The following TTLL11 variants were observed in gnomAD, a reference collection of about 807,000 sequenced individuals.
The protein encoded by TTLL11 is tubulin tyrosine ligase like 11, also known as tubulin polyglutamylase TTLL11.
Under a neutral mutation model 51.7 loss-of-function variants are expected in TTLL11, and 42 were observed. That is an observed-to-expected ratio of 0.81 (90% CI 0.64 to 1.05). The LOEUF (loss-of-function observed/expected upper bound fraction) is 1.05, where lower values mean the gene tolerates loss of function less well. Ranked by LOEUF, TTLL11 falls within the 50% of genes least tolerant of loss-of-function variation. The probability of loss-of-function intolerance (pLI) is 0.00; values close to 1 mark genes in which losing one functional copy is unlikely to be tolerated. For missense variants in TTLL11, 799 were observed against 940.4 expected, an observed-to-expected ratio of 0.85 and a Z score of 1.97; for synonymous variants, 381 against 383.5, an observed-to-expected ratio of 0.99 and a Z score of 0.08.
intron 6 of TTLL11, among the ~76,000 whole-genome samples, chr9:121,967,048 G>T (rs1564331448): frequency 6.6e-6 from 1 of 151,898 alleles, no homozygotes; most frequent in Non-Finnish European, 1.5e-5. Context: ...GAGGTACCTG[G>T]ATTTCCATTT....
At chr9:121,864,900 C>A (rs150794293) in intron 7 of TTLL11, among the ~76,000 whole-genome samples, 2 of 152,236 alleles carry the variant, frequency 1.3e-5, no homozygotes, top group East Asian at 3.9e-4. Context: ...TCCATAAAAT[C>A]CTATTTATAG....
rs778158498 is a variant in TTLL11, at chr9:121,989,297, G to T, written c.1167C>A (p.Ile389=). 6.2e-7 allele frequency: 1 copy of T among 1,614,198 alleles called. No homozygotes were observed. Among genetic ancestry groups the T allele is most frequent in the Non-Finnish European group, 8.5e-7 (1 of 1,180,004 alleles). ...GVDIKKVWSD[I]ISVVIKTVIA... is the part of the protein sequence containing the mutation. ...TGACCGTCTTAATCACCACGGAGAT[G>T]ATGTCAGACCAGACCTTCTTGATGT... The change falls in exon 4 of 9, where the codon ATC becomes ATA. Residue 389 remains isoleucine (I), a synonymous_variant. Transcript: ENST00000321582. This position sits in a 1 kb window ranked among gnomAD's most constrained non-coding sequence, Gnocchi z 4.2.
At chr9:122,052,857 C>T (rs1198282363) in intron 1 of TTLL11, among the ~76,000 whole-genome samples, 1 of 152,190 alleles carries the variant, frequency 6.6e-6, no homozygotes. Context: ...TATTAAGGGC[C>T]TGGGTTTCAT....
intron 8 of TTLL11, among the ~76,000 whole-genome samples, chr9:121,843,818 G>A (rs887175445): frequency 1.3e-5 from 2 of 152,004 alleles, no homozygotes; most frequent in African/African-American, 2.4e-5. Context: ...GACTACAGGC[G>A]TGTGACATCA....
At chr9:121,856,959 T>C (rs1276548642) in intron 8 of TTLL11, among the ~76,000 whole-genome samples, 2 of 152,206 alleles carry the variant, frequency 1.3e-5, no homozygotes, top group African/African-American at 2.4e-5. Flanking sequence ...CCTAAGAAGG[T>C]GGCTGTCTCC....
intron 3 of TTLL11, among the ~76,000 whole-genome samples, chr9:122,031,157 CT>C (rs1363486490): frequency 6.6e-6 from 1 of 152,194 alleles, no homozygotes; most frequent in Admixed American, 6.5e-5. Context: ...AATGGCAGTT[CT>C]GAGTTCCACT....
chr9:121,945,215 T>A (rs1841619962), intron 6 of TTLL11, among the ~76,000 whole-genome samples: 1 of 152,086 alleles, frequency 6.6e-6, no homozygotes, highest in Non-Finnish European at 1.5e-5. Context: ...AAATCCCAGA[T>A]GATCTCTTTT....
rs539361559 is a variant in TTLL11 at position 122,039,884 on chromosome 9, T to A, written c.463-516A>T. Among the ~76,000 whole-genome samples the A allele has an allele frequency of 7.4e-3, 1,120 of 151,218 alleles. 12 individuals carry two copies. The highest frequency in any genetic ancestry group is 0.023 in the African/African-American group (958 of 41,044). On this transcript the variant is annotated intron_variant, in intron 1 of 8. Transcript: ENST00000321582. ...TTATCTCTCTCTCTCTCTCTCTCTC[T>A]CTCACACACACACACACACATACAC...
chr9:121,938,734 A>C (rs1242577527), intron 6 of TTLL11, among the ~76,000 whole-genome samples: 1 of 152,190 alleles, frequency 6.6e-6, no homozygotes, highest in East Asian at 1.9e-4. Context: ...CAAGAATGCA[A>C]ATTAAAGCAA....
At chr9:121,910,011 C>T (rs1564300501) in intron 6 of TTLL11, among the ~76,000 whole-genome samples, 3 of 152,174 alleles carry the variant, frequency 2.0e-5, no homozygotes, top group Non-Finnish European at 2.9e-5. Flanking sequence ...CCCATAACCT[C>T]GCTGGATCCT....
chr9:121,858,124 C>G (rs1837883965), intron 8 of TTLL11, among the ~76,000 whole-genome samples: 1 of 152,234 alleles, frequency 6.6e-6, no homozygotes, highest in Admixed American at 6.5e-5. Context: ...TGAAGACGCT[C>G]CATCTCACGC....
At chr9:122,023,637 T>C (rs764637423) in intron 3 of TTLL11, among the ~76,000 whole-genome samples, 2 of 151,716 alleles carry the variant, frequency 1.3e-5, no homozygotes, top group Non-Finnish European at 2.9e-5. Flanking sequence ...GTTTGTTTAA[T>C]ATTTAAAAAT....
At chr9:122,092,449 G>A (rs1355265844) in intron 1 of TTLL11, among the ~76,000 whole-genome samples, 2 of 152,188 alleles carry the variant, frequency 1.3e-5, no homozygotes, top group Non-Finnish European at 2.9e-5. Flanking sequence ...CTGCAGGGAG[G>A]CAGAGGAGTG....
intron 6 of TTLL11, among the ~76,000 whole-genome samples, chr9:121,912,513 G>A (rs79673987): frequency 2.0e-5 from 3 of 151,978 alleles, no homozygotes; most frequent in East Asian, 1.9e-4. Flanking sequence ...CCATGCAGGC[G>A]TCGTGTGTCA....
chr9:121,932,345 G>A (rs1442503650), intron 6 of TTLL11, among the ~76,000 whole-genome samples: 1 of 152,144 alleles, frequency 6.6e-6, no homozygotes, highest in Non-Finnish European at 1.5e-5. Flanking sequence ...TTCTTTGTTG[G>A]AGACACAGGC....
intron 7 of TTLL11, among the ~76,000 whole-genome samples, chr9:121,861,954 G>A (rs1040303700): frequency 6.6e-6 from 1 of 152,166 alleles, no homozygotes; most frequent in Non-Finnish European, 1.5e-5. Context: ...GCTCTGTGTG[G>A]GCTGACACAG....
At chr9:121,908,548 C>T (rs1011932024) in intron 6 of TTLL11, among the ~76,000 whole-genome samples, 7 of 152,200 alleles carry the variant, frequency 4.6e-5, no homozygotes, top group South Asian at 2.1e-4. Flanking sequence ...GACAGCCCTG[C>T]GCTGGGAATT....
At chr9:121,919,938 T>C (rs1840469098) in intron 6 of TTLL11, among the ~76,000 whole-genome samples, 1 of 151,938 alleles carries the variant, frequency 6.6e-6, no homozygotes, top group Non-Finnish European at 1.5e-5. Context: ...ACTTTAATAC[T>C]GTTTAACTTT....
intron 4 of TTLL11, among the ~76,000 whole-genome samples, chr9:121,978,821 C>T (rs1256812493): frequency 6.6e-6 from 1 of 152,150 alleles, no homozygotes; most frequent in Non-Finnish European, 1.5e-5. Flanking sequence ...GAGCCCCACG[C>T]CTACCCTTCC....
Sources: gnomAD v4.1 joint callset for allele counts (sites outside exome capture counted in the v4.1 genomes callset) on GRCh38, gnomAD v4.1.1 for gene constraint, Gnocchi (gnomAD v3.1) non-coding constraint, MANE v1.5 for transcripts, NCBI Gene and HGNC (gene_info 2026-07-23, HGNC 2026-07-21) for gene names.